The following STARD13 variants were observed in gnomAD, a reference collection of about 807,000 sequenced individuals.
STARD13 encodes the protein StAR related lipid transfer domain containing 13, also known as stAR-related lipid transfer protein 13.
A neutral mutation model predicts 106.4 loss-of-function variants in STARD13; 62 were observed. The observed-to-expected ratio is 0.58, with a 90% CI of 0.48 to 0.72. STARD13 has a LOEUF of 0.72. Among genes scored for constraint, STARD13 ranks in the 30% least tolerant of loss-of-function variants. STARD13 has a pLI of 0.00. For missense variants in STARD13, 1,387 were observed against 1,424.0 expected, an observed-to-expected ratio of 0.97 and a Z score of 0.42; for synonymous variants, 565 against 553.0, an observed-to-expected ratio of 1.02 and a Z score of -0.31.
intron 1 of STARD13, among the ~76,000 whole-genome samples, chr13:33,200,669 C>CT (rs1343810302): frequency 4.6e-5 from 7 of 152,214 alleles, no homozygotes; most frequent in African/African-American, 1.7e-4. Flanking sequence ...AAGCAGAGGA[C>CT]TTGCACCCAC....
At chr13:33,410,809 C>T in the STARD13 span, among the ~76,000 whole-genome samples, 1 of 152,182 alleles carries the variant, frequency 6.6e-6, no homozygotes, top group African/African-American at 2.4e-5. Context: ...TCTCTGCAGT[C>T]TCTGCTCAAT....
the STARD13 span, among the ~76,000 whole-genome samples, chr13:33,468,871 G>A: frequency 2.0e-5 from 3 of 152,198 alleles, no homozygotes. Context: ...TCCTTGCTAA[G>A]GCCTTCTCTG....
intron 7 of STARD13, among the ~76,000 whole-genome samples, chr13:33,123,263 A>G (rs1415653500): frequency 6.6e-6 from 1 of 152,160 alleles, no homozygotes; most frequent in Non-Finnish European, 1.5e-5. Context: ...GAGGCTGAGC[A>G]TGAGTGGTGC....
intron 1 of STARD13, among the ~76,000 whole-genome samples, chr13:33,268,587 A>T (rs1891017358): frequency 6.6e-6 from 1 of 152,248 alleles, no homozygotes; most frequent in Non-Finnish European, 1.5e-5. Flanking sequence ...ATAGGCTTAT[A>T]GAGTTCCTGG....
the STARD13 span, among the ~76,000 whole-genome samples, chr13:33,378,774 A>G: frequency 6.7e-6 from 1 of 149,806 alleles, no homozygotes; most frequent in Non-Finnish European, 1.5e-5. Flanking sequence ...TGGGTGACAG[A>G]GTGAGACTCT....
the STARD13 span, among the ~76,000 whole-genome samples, chr13:33,440,981 T>C: frequency 0.027 from 4,095 of 151,676 alleles, 134 homozygotes; most frequent in African/African-American, 0.072. Context: ...AAACTCTGTG[T>C]CCAAAACTCA....
At chr13:33,256,839 A>C (rs1281742063) in intron 1 of STARD13, among the ~76,000 whole-genome samples, 2 of 152,246 alleles carry the variant, frequency 1.3e-5, no homozygotes, top group Admixed American at 6.5e-5. Context: ...TATATATTAA[A>C]TTTTTAAAGT....
intron 6 of STARD13, 123 bp downstream of exon 6, chr13:33,127,247 CAGG>C (rs1877311828): frequency 8.4e-6 from 9 of 1,071,940 alleles, no homozygotes; most frequent in Middle Eastern, 5.3e-4. Context: ...GCCTTATGTC[CAGG>C]AGATCATCAG....
Position 33,167,546 on chromosome 13 carries a change from CG to C in STARD13, c.241+4del, listed in dbSNP as rs1566042935. The stretch of plus-strand genomic sequence containing the variant: ...GTGTAAGAGCGAAGCGAAGGGCTGA[CG>C]TACCCTCATATAACTGAGCGTATTG... On this transcript the variant is annotated splice_donor_region_variant and intron_variant, in intron 2 of 13. Coordinates refer to ENST00000336934, the MANE Select transcript of STARD13 (RefSeq NM_178006.4). 6.2e-7 allele frequency: 1 copy of C among 1,613,826 alleles called. No individual in the cohort carries two copies. The highest frequency in any genetic ancestry group is 8.5e-7 in the Non-Finnish European group (1 of 1,179,706).
chr13:33,261,831 CT>C (rs1890653883), intron 1 of STARD13, among the ~76,000 whole-genome samples: 1 of 152,086 alleles, frequency 6.6e-6, no homozygotes, highest in African/African-American at 2.4e-5. Flanking sequence ...AATGGAAGGG[CT>C]TATGAATGCT....
upstream of STARD13, among the ~76,000 whole-genome samples, chr13:33,352,437 C>G (rs968978865): frequency 2.5e-4 from 38 of 152,224 alleles, no homozygotes; most frequent in African/African-American, 8.7e-4. Context: ...CATAACCATT[C>G]AAGCTATTTC....
the STARD13 span, among the ~76,000 whole-genome samples, chr13:33,535,552 T>A: frequency 2.0e-5 from 3 of 152,150 alleles, no homozygotes; most frequent in South Asian, 6.2e-4. Context: ...AAAACATCAA[T>A]TAATTGTTTT....
At chr13:33,413,354 T>C in the STARD13 span, among the ~76,000 whole-genome samples, 1 of 150,996 alleles carries the variant, frequency 6.6e-6, no homozygotes, top group Non-Finnish European at 1.5e-5. Flanking sequence ...CTCAAGAATC[T>C]AGGGAAAAAA....
At chr13:33,391,062 G>T in the STARD13 span, among the ~76,000 whole-genome samples, 1 of 152,106 alleles carries the variant, frequency 6.6e-6, no homozygotes, top group Non-Finnish European at 1.5e-5. Flanking sequence ...GAAAACATCA[G>T]AGTCTGGGTT....
At chr13:33,213,829 A>G (rs2138147206) in intron 1 of STARD13, among the ~76,000 whole-genome samples, 1 of 152,352 alleles carries the variant, frequency 6.6e-6, no homozygotes, top group South Asian at 2.1e-4. Context: ...CAATGGTGGT[A>G]TCTTTAATCC....
chr13:33,389,439 T>G, the STARD13 span, among the ~76,000 whole-genome samples: 1 of 152,256 alleles, frequency 6.6e-6, no homozygotes, highest in East Asian at 1.9e-4. Flanking sequence ...AACCTTCTGG[T>G]GGAGGAGCGA....
intron 3 of STARD13, among the ~76,000 whole-genome samples, chr13:33,163,658 CAT>C (rs1300936549): frequency 2.2e-4 from 16 of 71,644 alleles, no homozygotes; most frequent in East Asian, 1.3e-3. Flanking sequence ...ATATATAAAA[CAT>C]ATATATATAA....
At chr13:33,368,337 A>G in the STARD13 span, among the ~76,000 whole-genome samples, 629 of 152,280 alleles carry the variant, frequency 4.1e-3, 2 homozygotes, top group Non-Finnish European at 7.5e-3. Flanking sequence ...CATAATTAAC[A>G]TTCACTCACT....
the STARD13 span, among the ~76,000 whole-genome samples, chr13:33,573,445 A>G: frequency 6.6e-6 from 1 of 152,160 alleles, no homozygotes; most frequent in South Asian, 2.1e-4. Context: ...TCCATTATAA[A>G]CTATGTAACA....
Sources: gnomAD v4.1 joint callset for allele counts (sites outside exome capture counted in the v4.1 genomes callset) on GRCh38, gnomAD v4.1.1 for gene constraint, MANE v1.5 for transcripts, NCBI Gene and HGNC (gene_info 2026-07-23, HGNC 2026-07-21) for gene names.